LDAH: variants seen among roughly 807,000 people sequenced by gnomAD.
The protein encoded by LDAH is lipid droplet-associated hydrolase.
LDAH carries 26 observed loss-of-function variants against 29.6 expected under a neutral mutation model. The ratio of observed to expected loss-of-function variants is 0.88; its 90% CI spans 0.64 to 1.22. LDAH has a LOEUF of 1.22. LDAH is among the 50% of genes most tolerant of loss of function. LDAH has a pLI of 0.00. For missense variants in LDAH, 344 were observed against 387.3 expected, an observed-to-expected ratio of 0.89 and a Z score of 0.94; for synonymous variants, 117 against 133.0, an observed-to-expected ratio of 0.88 and a Z score of 0.83.
chr2:20,760,586 T>C (rs543442905), intron 4 of LDAH, among the ~76,000 whole-genome samples: 3 of 152,320 alleles, frequency 2.0e-5, no homozygotes, highest in African/African-American at 7.2e-5. Flanking sequence ...TTCAGTTCTT[T>C]GTAGTGTAGC....
chr2:20,744,746 G>C (rs576689362), intron 4 of LDAH, among the ~76,000 whole-genome samples: 22 of 152,342 alleles, frequency 1.4e-4, no homozygotes, highest in Non-Finnish European at 1.9e-4. Flanking sequence ...TTGAGCTCAT[G>C]TAGGTAAGTC....
intron 6 of LDAH, among the ~76,000 whole-genome samples, chr2:20,688,666 A>C (rs1471179339): frequency 1.3e-5 from 2 of 152,192 alleles, no homozygotes; most frequent in Non-Finnish European, 2.9e-5. Flanking sequence ...TTACGAAAAC[A>C]ATGGCCTTCA....
chr2:20,798,027 G>A (rs1311163158), intron 2 of LDAH, among the ~76,000 whole-genome samples: 2 of 152,164 alleles, frequency 1.3e-5, no homozygotes, highest in East Asian at 3.8e-4. Flanking sequence ...AATCAGAAAT[G>A]ATACCAATAC....
chr2:20,802,578 T>G (rs1671782539), intron 1 of LDAH, among the ~76,000 whole-genome samples: 1 of 152,152 alleles, frequency 6.6e-6, no homozygotes, highest in Admixed American at 6.5e-5. Flanking sequence ...TTTCTGTCTT[T>G]CTCTTCCCCT....
intron 2 of LDAH, among the ~76,000 whole-genome samples, chr2:20,799,960 A>G (rs1177354512): frequency 2.0e-5 from 3 of 152,234 alleles, no homozygotes; most frequent in Non-Finnish European, 4.4e-5. Flanking sequence ...ACTCCTGGCC[A>G]CAGGATAATC....
intron 3 of LDAH, among the ~76,000 whole-genome samples, chr2:20,779,927 T>C (rs1460927023): frequency 1.3e-5 from 2 of 152,220 alleles, no homozygotes; most frequent in Non-Finnish European, 1.5e-5. Context: ...GGGTTGATAC[T>C]GAATATCAGT....
chr2:20,738,005 G>GAACT (rs1254084667), intron 5 of LDAH, among the ~76,000 whole-genome samples: 1 of 151,988 alleles, frequency 6.6e-6, no homozygotes, highest in Non-Finnish European at 1.5e-5. Flanking sequence ...TGTAATCCCA[G>GAACT]AACTTTGGGA....
chr2:20,734,251 C>A (rs1404363177), intron 5 of LDAH, among the ~76,000 whole-genome samples: 1 of 152,142 alleles, frequency 6.6e-6, no homozygotes, highest in Non-Finnish European at 1.5e-5. Flanking sequence ...GTTTTCTAAT[C>A]TACCCTGCCA....
intron 1 of LDAH, among the ~76,000 whole-genome samples, chr2:20,818,120 C>T (rs1382989812): frequency 6.6e-6 from 1 of 152,106 alleles, no homozygotes; most frequent in East Asian, 1.9e-4. Context: ...TGGAAATATA[C>T]TCTGTGAATT....
chr2:20,813,144 A>G (rs1218647172), intron 1 of LDAH, among the ~76,000 whole-genome samples: 1 of 152,216 alleles, frequency 6.6e-6, no homozygotes, highest in Non-Finnish European at 1.5e-5. Context: ...GATATAATGC[A>G]TGCTGTGATT....
intron 6 of LDAH, among the ~76,000 whole-genome samples, chr2:20,700,154 G>T (rs1015027236): frequency 2.0e-5 from 3 of 152,210 alleles, no homozygotes; most frequent in African/African-American, 7.2e-5. Flanking sequence ...ATAAAATACT[G>T]TTTTTCTTGT....
At chr2:20,741,752 A>T (rs1667192743) in intron 4 of LDAH, among the ~76,000 whole-genome samples, 1 of 152,016 alleles carries the variant, frequency 6.6e-6, no homozygotes, top group African/African-American at 2.4e-5. Flanking sequence ...GGTTTATTTC[A>T]CTTACCATAA....
chr2:20,805,797 A>C (rs1394882471), intron 1 of LDAH, among the ~76,000 whole-genome samples: 1 of 152,032 alleles, frequency 6.6e-6, no homozygotes, highest in East Asian at 1.9e-4. Context: ...CAAATTTATA[A>C]TATTTGTTAT....
chr2:20,788,853 ATT>A, intron 3 of LDAH: 1 of 312,154 alleles, frequency 3.2e-6, no homozygotes, highest in Non-Finnish European at 6.0e-6. Context: ...ATAAACTTAT[ATT>A]TAAGTTATTT....
intron 4 of LDAH, among the ~76,000 whole-genome samples, chr2:20,768,468 A>G (rs971889368): frequency 6.6e-6 from 1 of 152,180 alleles, no homozygotes; most frequent in Non-Finnish European, 1.5e-5. Flanking sequence ...TGCCTGCCCC[A>G]TGGCAGCAGC....
At chr2:20,773,593 C>T (rs1279320778) in intron 4 of LDAH, among the ~76,000 whole-genome samples, 4 of 152,154 alleles carry the variant, frequency 2.6e-5, no homozygotes, top group African/African-American at 7.2e-5. Context: ...GAACAGAGTA[C>T]AATCTTGAAT....
At chr2:20,774,370 G>GAAATAACAGC (rs1669644830) in intron 4 of LDAH, among the ~76,000 whole-genome samples, 1 of 152,174 alleles carries the variant, frequency 6.6e-6, no homozygotes, top group Non-Finnish European at 1.5e-5. Context: ...TAAAGATGTA[G>GAAATAACAGC]TGTTCCATAA....
At chr2:20,770,296 T>C (rs529262131) in intron 4 of LDAH, among the ~76,000 whole-genome samples, 2 of 152,302 alleles carry the variant, frequency 1.3e-5, no homozygotes, top group South Asian at 4.1e-4. Flanking sequence ...AAACTCTGTG[T>C]TATTATGCAC....
intron 1 of LDAH, among the ~76,000 whole-genome samples, chr2:20,812,677 C>A (rs1283404485): frequency 6.6e-6 from 1 of 152,052 alleles, no homozygotes; most frequent in African/African-American, 2.4e-5. Flanking sequence ...TAAAAAGGAA[C>A]AATTAGAAAC....
Sources: gnomAD v4.1 joint callset for allele counts (sites outside exome capture counted in the v4.1 genomes callset) on GRCh38, gnomAD v4.1.1 for gene constraint, MANE v1.5 for transcripts, NCBI Gene and HGNC (gene_info 2026-07-23, HGNC 2026-07-21) for gene names.